Variants in CDKAL1 observed in about 807,000 individuals in gnomAD.
CDKAL1 encodes the protein CDKAL1 threonylcarbamoyladenosine tRNA methylthiotransferase.
Under a neutral mutation model 68.2 loss-of-function variants are expected in CDKAL1, and 32 were observed. The ratio of observed to expected loss-of-function variants is 0.47; its 90% CI spans 0.35 to 0.63. The LOEUF is 0.63. Among genes scored for constraint, CDKAL1 ranks in the 30% least tolerant of loss-of-function variants. The probability of loss-of-function intolerance (pLI) is 0.00; values close to 1 mark genes in which losing one functional copy is unlikely to be tolerated. For synonymous variants in CDKAL1, 234 were observed against 244.3 expected (o/e 0.96, Z 0.39); for missense variants, 606 against 696.7 (o/e 0.87, Z 1.47).
At chr6:20,660,974 A>G (rs2127770790) in intron 5 of CDKAL1, among the ~76,000 whole-genome samples, 1 of 152,302 alleles carries the variant, frequency 6.6e-6, no homozygotes, top group African/African-American at 2.4e-5. Flanking sequence ...AATTGAAAAA[A>G]AAATCAACTG....
At chr6:20,934,952 A>G (rs1320850265) in intron 9 of CDKAL1, among the ~76,000 whole-genome samples, 4 of 149,266 alleles carry the variant, frequency 2.7e-5, no homozygotes, top group African/African-American at 4.9e-5. Context: ...CCGGAGTTCA[A>G]TGGCGCAGTC....
At chr6:20,657,544 C>G (rs900194756) in intron 5 of CDKAL1, among the ~76,000 whole-genome samples, 2 of 152,080 alleles carry the variant, frequency 1.3e-5, no homozygotes, top group Non-Finnish European at 2.9e-5. Flanking sequence ...TCTCTTGAGC[C>G]ACCACACAAA....
At chr6:21,136,014 T>C (rs1203642557) in intron 13 of CDKAL1, among the ~76,000 whole-genome samples, 1 of 152,226 alleles carries the variant, frequency 6.6e-6, no homozygotes, top group Admixed American at 6.5e-5. Flanking sequence ...AATCTTAATG[T>C]TTTTGCATTA....
At chr6:21,012,652 T>C (rs1348984931) in intron 11 of CDKAL1, among the ~76,000 whole-genome samples, 1 of 152,208 alleles carries the variant, frequency 6.6e-6, no homozygotes, top group Non-Finnish European at 1.5e-5. Flanking sequence ...CCTGGAGCCT[T>C]TCTGCGCAAG....
At chr6:20,931,954 G>C (rs1433731922) in intron 9 of CDKAL1, among the ~76,000 whole-genome samples, 2 of 152,114 alleles carry the variant, frequency 1.3e-5, no homozygotes, top group African/African-American at 4.8e-5. Context: ...CAAATGTCAA[G>C]TTCTTTCTCT....
chr6:21,161,048 G>C (rs182054691), intron 13 of CDKAL1, among the ~76,000 whole-genome samples: 366 of 152,194 alleles, frequency 2.4e-3, no homozygotes, highest in Non-Finnish European at 3.5e-3. Flanking sequence ...TTGGCTGGGG[G>C]GGTGCAGTGA....
intron 6 of CDKAL1, among the ~76,000 whole-genome samples, chr6:20,740,184 G>C (rs780200927): frequency 1.3e-5 from 2 of 152,142 alleles, no homozygotes; most frequent in Non-Finnish European, 2.9e-5. Context: ...CATGCGAATA[G>C]TTTTTCAATC....
intron 9 of CDKAL1, among the ~76,000 whole-genome samples, chr6:20,871,900 A>G (rs1321215285): frequency 1.3e-5 from 2 of 152,178 alleles, no homozygotes; most frequent in Non-Finnish European, 1.5e-5. Flanking sequence ...CAAACAATAT[A>G]TATGTCTCCT....
intron 5 of CDKAL1, among the ~76,000 whole-genome samples, chr6:20,654,299 G>GTTT (rs200376020): frequency 1.4e-5 from 2 of 142,652 alleles, no homozygotes; most frequent in African/African-American, 5.1e-5. Context: ...TATTTTTCTG[G>GTTT]TTTTTTTTTT....
chr6:20,747,669 A>T (rs1273246330), intron 6 of CDKAL1, among the ~76,000 whole-genome samples: 1 of 152,210 alleles, frequency 6.6e-6, no homozygotes, highest in Non-Finnish European at 1.5e-5. Context: ...CCATTTTTAA[A>T]TAAGGTTATT....
intron 5 of CDKAL1, among the ~76,000 whole-genome samples, chr6:20,731,154 C>T (rs1241789988): frequency 2.6e-5 from 4 of 152,138 alleles, no homozygotes; most frequent in Non-Finnish European, 5.9e-5. Context: ...GGGAGGACTG[C>T]CCAGGTAGTT....
chr6:20,782,045 T>G (rs1775454208), intron 8 of CDKAL1, among the ~76,000 whole-genome samples: 1 of 152,224 alleles, frequency 6.6e-6, no homozygotes. Context: ...TGCTCTTTCT[T>G]CATGCTCCTT....
At chr6:20,934,163 T>G (rs1394368305) in intron 9 of CDKAL1, among the ~76,000 whole-genome samples, 1 of 152,160 alleles carries the variant, frequency 6.6e-6, no homozygotes, top group African/African-American at 2.4e-5. Context: ...TGGATCTCCT[T>G]GACGGGTTAT....
intron 10 of CDKAL1, among the ~76,000 whole-genome samples, chr6:20,980,062 C>T (rs4712575): frequency 0.17 from 26,272 of 151,788 alleles, 2,716 homozygotes; most frequent in Admixed American, 0.26. Flanking sequence ...TGAGCCACCA[C>T]GCCTGGCCAA....
At chr6:21,040,578 T>A (rs559255502) in intron 11 of CDKAL1, among the ~76,000 whole-genome samples, 14 of 152,166 alleles carry the variant, frequency 9.2e-5, no homozygotes, top group African/African-American at 3.4e-4. Context: ...TTGAATAGCT[T>A]CACTAAAAAT....
At chr6:20,832,709 A>G (rs1777769782) in intron 8 of CDKAL1, among the ~76,000 whole-genome samples, 1 of 152,084 alleles carries the variant, frequency 6.6e-6, no homozygotes, top group African/African-American at 2.4e-5. Flanking sequence ...TTTGGCAAAC[A>G]CCATTTACTT....
chr6:20,646,892 C>T (rs1029162335), intron 4 of CDKAL1, among the ~76,000 whole-genome samples: 5 of 151,930 alleles, frequency 3.3e-5, no homozygotes, highest in African/African-American at 4.8e-5. Context: ...TACAGGTGCC[C>T]GCCCCCACGC....
At chr6:20,739,957 C>G (rs572071267) in intron 6 of CDKAL1, among the ~76,000 whole-genome samples, 25 of 152,270 alleles carry the variant, frequency 1.6e-4, no homozygotes, top group African/African-American at 5.5e-4. Context: ...GCTTTTCGCC[C>G]CCTAGTACAT....
chr6:20,750,192 C>T (rs762599110), intron 6 of CDKAL1, among the ~76,000 whole-genome samples: 1 of 152,150 alleles, frequency 6.6e-6, no homozygotes, highest in Non-Finnish European at 1.5e-5. Flanking sequence ...CGGCACACTG[C>T]AGCCTCCCAA....
Sources: gnomAD v4.1 joint callset for allele counts (sites outside exome capture counted in the v4.1 genomes callset) on GRCh38, gnomAD v4.1.1 for gene constraint, MANE v1.5 for transcripts, NCBI Gene and HGNC (gene_info 2026-07-23, HGNC 2026-07-21) for gene names.